Variants in PTK7 observed in about 807,000 individuals in gnomAD.
PTK7 encodes inactive tyrosine-protein kinase 7.
PTK7 carries 39 observed loss-of-function variants against 116.6 expected under a neutral mutation model. The observed-to-expected ratio is 0.33, with a 90% CI of 0.26 to 0.44. The LOEUF (loss-of-function observed/expected upper bound fraction) is 0.44. Ranked by LOEUF, PTK7 falls within the 20% of genes least tolerant of loss-of-function variation. The pLI, the probability that PTK7 is intolerant of heterozygous loss-of-function variation, is 1.00. For synonymous variants in PTK7, 546 were observed against 563.6 expected (o/e 0.97, Z 0.44); for missense variants, 1,169 against 1,425.6 (o/e 0.82, Z 2.90).
chr6:43,104,847 C>G lies in PTK7; in HGVS notation c.80-24130C>G, dbSNP rs371170069. Among the ~76,000 whole-genome samples the G allele has an allele frequency of 2.1e-4, 28 of 134,132 alleles. No homozygotes were observed. The South Asian group carries it at 3.8e-3, about 18-fold the overall frequency. 88.0% of individuals were successfully genotyped at this position (134,132 alleles called of 152,430 possible). On this transcript the variant is annotated intron_variant, in intron 1 of 19. Coordinates refer to ENST00000230419, the MANE Select transcript of PTK7 (RefSeq NM_002821.5). ...TTTTTTTTTGAGACGGAGTCTCACT[C>G]TGTCGCCCAGGCTGGAGTGCAGTGG...
chr6:43,146,665 A>G lies in PTK7; in HGVS notation c.2688A>G (p.Lys896=). 1 of 1,613,462 alleles carries G rather than the reference A, an allele frequency of 6.2e-7. No individual in the cohort carries two copies. The highest frequency in any genetic ancestry group is 8.5e-7 in the Non-Finnish European group (1 of 1,179,948). ...FLRISKSKDE[K]LKSQPLSTKQ... is the part of the protein sequence containing the mutation. Reference sequence around the variant, plus strand: ...GGATTTCCAAGAGCAAGGATGAAAAATTGAAGTCACAGCCCCTCAGCACCA... The same window carrying G: ...GGATTTCCAAGAGCAAGGATGAAAAGTTGAAGTCACAGCCCCTCAGCACCA... Residue 896 remains lysine, a synonymous_variant, in exon 17 of 20, where the codon AAA becomes AAG. Transcript: ENST00000230419.
chr6:43,078,365 C>T (rs1267456790), intron 1 of PTK7, among the ~76,000 whole-genome samples: 1 of 152,032 alleles, frequency 6.6e-6, no homozygotes, highest in African/African-American at 2.4e-5. Flanking sequence ...GTCTTGTGCT[C>T]AACAAAGGAA....
At chr6:43,087,684 A>G (rs914224786) in intron 1 of PTK7, among the ~76,000 whole-genome samples, 2 of 152,178 alleles carry the variant, frequency 1.3e-5, no homozygotes, top group African/African-American at 4.8e-5. Flanking sequence ...CCAGGCTTCA[A>G]CTTCAGAACA....
chr6:43,093,942 C>T (rs990266552), intron 1 of PTK7, among the ~76,000 whole-genome samples: 9 of 152,156 alleles, frequency 5.9e-5, no homozygotes, highest in Non-Finnish European at 1.3e-4. Context: ...TGCTCCTGTG[C>T]AAACATCTCA....
intron 1 of PTK7, among the ~76,000 whole-genome samples, chr6:43,092,102 C>T (rs1766986701): frequency 6.6e-6 from 1 of 152,164 alleles, no homozygotes. Context: ...ACCTCGTGAT[C>T]CACCCACCTC....
intron 1 of PTK7, among the ~76,000 whole-genome samples, chr6:43,085,945 A>C (rs1356878579): frequency 1.3e-5 from 2 of 150,320 alleles, no homozygotes; most frequent in Non-Finnish European, 2.9e-5. Context: ...AAAAAAAAAA[A>C]AAAAAAAAAC....
intron 1 of PTK7, among the ~76,000 whole-genome samples, chr6:43,095,475 A>G (rs1030291516): frequency 1.3e-5 from 2 of 152,166 alleles, no homozygotes; most frequent in Non-Finnish European, 2.9e-5. Flanking sequence ...CTGTAGGCTT[A>G]AGCACTTTAC....
At chr6:43,146,522 C>G in intron 16 of PTK7, 96 bp from the exon 17 acceptor site, 1 of 1,195,386 alleles carries the variant, frequency 8.4e-7, no homozygotes. Flanking sequence ...CTCACTGCCT[C>G]CCCAGGCAGG....
chr6:43,086,633 G>A (rs1445407712), intron 1 of PTK7, among the ~76,000 whole-genome samples: 2 of 152,112 alleles, frequency 1.3e-5, no homozygotes, highest in African/African-American at 4.8e-5. Context: ...TCAGGAGTTT[G>A]AGACCAGCCT....
intron 1 of PTK7, among the ~76,000 whole-genome samples, chr6:43,099,991 G>T (rs1040803529): frequency 6.6e-6 from 1 of 152,142 alleles, no homozygotes; most frequent in Non-Finnish European, 1.5e-5. Context: ...GGGATTACAG[G>T]CATGTGCCAC....
In PTK7 at chr6:43,130,654, C is replaced by T. The variant is rs148508783; in HGVS notation, c.805C>T (p.Arg269Cys). 93 of 1,614,172 alleles carry T rather than the reference C, an allele frequency of 5.8e-5. No individual in the cohort carries two copies. In the Middle Eastern group the frequency reaches 2.3e-3, roughly 40 times the overall value. The stretch of plus-strand genomic sequence containing the variant: ...TGAGGATGAGACTCCCATCACTAAC[C>T]GCAGTCGGTAAGGCATCTGGCTGGG... ...LFEDETPITNRSRPPHLRRAT... is the reference protein window; with the variant it reads ...LFEDETPITNCSRPPHLRRAT... Residue 269 changes from arginine to cysteine, a missense_variant, in exon 5 of 20, where the codon CGC becomes TGC. This residue lies in a region of PTK7 where 487 missense variants were observed against 549.8 expected (regional missense o/e 0.89). Coordinates refer to ENST00000230419, the MANE Select transcript of PTK7 (RefSeq NM_002821.5).
chr6:43,131,830 C>T (rs1411796473), intron 5 of PTK7, 186 bp from the exon 6 acceptor site: 7 of 735,858 alleles, frequency 9.5e-6, no homozygotes, highest in Admixed American at 2.4e-5. Context: ...CACACCTGCA[C>T]GTGCACCTGA....
intron 1 of PTK7, among the ~76,000 whole-genome samples, chr6:43,093,631 T>C (rs1767079250): frequency 6.6e-6 from 1 of 152,090 alleles, no homozygotes; most frequent in Non-Finnish European, 1.5e-5. Context: ...AGACAGCTGG[T>C]TGCCATCCAT....
At chr6:43,118,761 G>A (rs1768766656) in intron 1 of PTK7, among the ~76,000 whole-genome samples, 1 of 141,816 alleles carries the variant, frequency 7.1e-6, no homozygotes, top group South Asian at 2.2e-4. Flanking sequence ...GTGTGTGTGT[G>A]TGTGTGTGTG....
intron 1 of PTK7, among the ~76,000 whole-genome samples, chr6:43,128,166 G>C (rs563495270): frequency 1.3e-5 from 2 of 152,170 alleles, no homozygotes; most frequent in Non-Finnish European, 2.9e-5. Flanking sequence ...GTGCTGTTTG[G>C]GTCATGATTT....
At chr6:43,159,098 A>T in intron 18 of PTK7, 130 bp downstream of exon 18, 1 of 1,188,690 alleles carries the variant, frequency 8.4e-7, no homozygotes, top group Admixed American at 2.5e-5. Context: ...GGCCTGGGAT[A>T]GGGAAGAGCT....
At chr6:43,159,074 G>A (rs1186064820) in intron 18 of PTK7, 106 bp downstream of exon 18, 15 of 1,416,142 alleles carry the variant, frequency 1.1e-5, no homozygotes, top group South Asian at 1.3e-5. Flanking sequence ...TGCCTGCTTA[G>A]TCCAAAGCTG....
rs960365432 is a variant in PTK7 at position 43,161,177 on chromosome 6, C to T, written c.*296C>T. On this transcript the variant is annotated 3_prime_UTR_variant, in exon 20 of 20. Coordinates refer to ENST00000230419, the MANE Select transcript of PTK7 (RefSeq NM_002821.5). ...GCCACAGGTAACCCCAATTTCTGGC[C>T]TTCAACTTCTCCCCTTGACCGGGTC... 12 of 331,872 alleles carry T rather than the reference C, an allele frequency of 3.6e-5. No individual in the cohort carries two copies. The highest frequency in any genetic ancestry group is 5.6e-5 in the Non-Finnish European group (10 of 179,588). The allele number at this position is 331,872 out of a possible 1,614,324, so 20.6% of individuals were successfully genotyped here. A position where few individuals can be genotyped will look rare whatever the true frequency, so the allele number is the denominator to read the frequency against.
At chr6:43,095,066 A>C (rs1168292068) in intron 1 of PTK7, among the ~76,000 whole-genome samples, 1 of 149,706 alleles carries the variant, frequency 6.7e-6, no homozygotes, top group Non-Finnish European at 1.5e-5. Flanking sequence ...ATAATAAATA[A>C]ATAAATAAAA....
Sources: gnomAD v4.1 joint callset for allele counts (sites outside exome capture counted in the v4.1 genomes callset) on GRCh38, gnomAD v4.1.1 for gene constraint, gnomAD v4.1.1 regional missense constraint, MANE v1.5 for transcripts, NCBI Gene and HGNC (gene_info 2026-07-23, HGNC 2026-07-21) for gene names.